Variants in HERC4 observed in about 807,000 individuals in gnomAD.
HERC4 encodes the protein probable E3 ubiquitin-protein ligase HERC4.
Under a neutral mutation model 124.3 loss-of-function variants are expected in HERC4, and 28 were observed. The ratio of observed to expected loss-of-function variants is 0.23; its 90% confidence interval spans 0.17 to 0.31. The LOEUF is 0.31. HERC4 is among the 10% of genes least tolerant of loss of function. The pLI is 1.00. For missense variants in HERC4, 713 were observed against 1,229.3 expected, an observed-to-expected ratio of 0.58 and a Z score of 6.28; for synonymous variants, 407 against 421.5, an observed-to-expected ratio of 0.97 and a Z score of 0.42.
intron 19 of HERC4, chr10:67,954,198 T>C (rs1201924241): frequency 3.3e-5 from 5 of 153,712 alleles, no homozygotes; most frequent in African/African-American, 7.2e-5. Context: ...ACTTTTTTTT[T>C]CTTTGAGATT....
intron 24 of HERC4, 90 bp downstream of exon 24, chr10:67,924,995 A>C (rs2030725496): frequency 2.8e-6 from 2 of 708,264 alleles, no homozygotes; most frequent in Non-Finnish European, 4.7e-6. Flanking sequence ...TGTTTCAAAA[A>C]AATTACTTGA....
chr10:68,042,600 G>T lies in HERC4; in HGVS notation c.386+1804C>A, dbSNP rs184863534. 8.5e-4 allele frequency among the ~76,000 whole-genome samples: 130 copies of T among 152,284 alleles called. 1 individual carries two copies. Among genetic ancestry groups the T allele is most frequent in the African/African-American group, 2.9e-3 (120 of 41,554 alleles). On this transcript the variant is annotated intron_variant, in intron 4 of 24. Transcript: ENST00000373700. ...AGCATGCCACTGCACACCAGCCTGG[G>T]TGACAGAGTGAGACTTTGTCTCAAG...
chr10:67,970,592 A>C (rs1332370146), intron 15 of HERC4, among the ~76,000 whole-genome samples: 1 of 87,610 alleles, frequency 1.1e-5, no homozygotes, highest in South Asian at 5.0e-4. Context: ...ACTCTGTCTC[A>C]AAAAAAAAAA....
intron 15 of HERC4, chr10:67,988,213 G>A (rs10997898): frequency 6.6e-6 from 1 of 152,128 alleles, no homozygotes; most frequent in East Asian, 1.9e-4. Context: ...TTTTAAATTA[G>A]TCATTTGTTT....
chr10:67,939,449 TG>T, intron 21 of HERC4, 138 bp downstream of exon 21: 1 of 578,058 alleles, frequency 1.7e-6, no homozygotes, highest in Non-Finnish European at 3.0e-6. Flanking sequence ...CTAGCTAGCA[TG>T]TAGTAAATGC....
At position 67,977,747 on chromosome 10, in the gene HERC4, C is replaced by T. The variant is rs2035682631; in HGVS notation, c.1806+10916G>A. Among the ~76,000 whole-genome samples, 5 of 152,132 alleles carry T rather than the reference C, an allele frequency of 3.3e-5. No homozygotes were observed. The South Asian group carries it at 6.2e-4, about 19-fold the overall frequency. On this transcript the variant is annotated intron_variant, in intron 15 of 24. Transcript: ENST00000373700. ...CTCTAATCCCAGCACTTTGGGAGGC[C>T]GAGGCTGGCAAATTACTTGAGGTCA...
intron 13 of HERC4, 136 bp from the exon 14 acceptor site, chr10:67,990,536 A>G: frequency 1.9e-6 from 1 of 525,308 alleles, no homozygotes. Context: ...ATGGTGAAGA[A>G]GAAAAAAGAA....
At chr10:67,977,662 G>C (rs986791977) in intron 15 of HERC4, among the ~76,000 whole-genome samples, 3 of 152,148 alleles carry the variant, frequency 2.0e-5, no homozygotes, top group African/African-American at 7.2e-5. Flanking sequence ...TCCCATGCCA[G>C]GCAGCATTCA....
Position 67,992,416 on chromosome 10 carries a change from G to A in HERC4, c.1147-93C>T, listed in dbSNP as rs931363124. The A allele has an allele frequency of 5.4e-6, 8 of 1,478,574 alleles. No individual in the cohort carries two copies. The Admixed American group carries it at 1.0e-4, about 19-fold the overall frequency. The allele number at this position is 1,478,574 out of a possible 1,614,324, so 91.6% of individuals were successfully genotyped here. On this transcript the variant is annotated intron_variant, in intron 10 of 24. Transcript: ENST00000373700. ...CCACCATATATTTGTTCTTTAAACA[G>A]AATTAAATCTCTCCTGAACACCTGA...
At chr10:68,028,538 T>C (rs2039022404) in intron 7 of HERC4, among the ~76,000 whole-genome samples, 1 of 152,210 alleles carries the variant, frequency 6.6e-6, no homozygotes, top group South Asian at 2.1e-4. Context: ...GACTCTTCTC[T>C]AAGAAGCCCT....
chr10:68,063,766 C>T (rs767959590), intron 3 of HERC4, among the ~76,000 whole-genome samples: 4 of 151,752 alleles, frequency 2.6e-5, no homozygotes, highest in African/African-American at 4.8e-5. Flanking sequence ...GGCAAAACCC[C>T]GTCTCTACTA....
intron 8 of HERC4, among the ~76,000 whole-genome samples, chr10:68,014,699 T>G (rs533155492): frequency 1.3e-5 from 2 of 152,328 alleles, no homozygotes; most frequent in Non-Finnish European, 2.9e-5. Context: ...AATCTCTATA[T>G]GTACGCACCA....
chr10:67,963,108 G>C (rs1224708465), intron 16 of HERC4, among the ~76,000 whole-genome samples: 1 of 152,216 alleles, frequency 6.6e-6, no homozygotes, highest in African/African-American at 2.4e-5. Context: ...TCTCATAAAA[G>C]TTACTCTGCT....
intron 7 of HERC4, among the ~76,000 whole-genome samples, chr10:68,032,390 G>C (rs907778358): frequency 6.6e-6 from 1 of 152,136 alleles, no homozygotes; most frequent in Non-Finnish European, 1.5e-5. Context: ...GTATTTATAA[G>C]CCAAATGGAA....
chr10:67,999,406 T>A (rs1157222392), intron 9 of HERC4, among the ~76,000 whole-genome samples: 2 of 152,122 alleles, frequency 1.3e-5, no homozygotes, highest in Non-Finnish European at 2.9e-5. Context: ...GCCTGAAGAC[T>A]CTCCTACAAG....
intron 15 of HERC4, among the ~76,000 whole-genome samples, chr10:67,982,540 G>A (rs1461261308): frequency 1.3e-5 from 2 of 152,074 alleles, no homozygotes; most frequent in Non-Finnish European, 2.9e-5. Context: ...AACATTAGGG[G>A]AAACTCTCCA....
chr10:67,951,603 C>T (rs1022120663), intron 19 of HERC4, among the ~76,000 whole-genome samples: 3 of 152,206 alleles, frequency 2.0e-5, no homozygotes, highest in African/African-American at 7.2e-5. Flanking sequence ...AGACTGTCTC[C>T]TGAGGACACC....
chr10:67,971,520 A>C (rs1166009967), intron 15 of HERC4, among the ~76,000 whole-genome samples: 2 of 152,148 alleles, frequency 1.3e-5, no homozygotes, highest in African/African-American at 4.8e-5. Flanking sequence ...TTTCTAAAAA[A>C]AGGAGAAAAA....
At chr10:67,943,289 C>T (rs1486188070) in intron 19 of HERC4, among the ~76,000 whole-genome samples, 1 of 151,940 alleles carries the variant, frequency 6.6e-6, no homozygotes, top group African/African-American at 2.4e-5. Context: ...CTCCTAAAAC[C>T]CTCTAAAAGA....
Sources: gnomAD v4.1 joint callset for allele counts (sites outside exome capture counted in the v4.1 genomes callset) on GRCh38, gnomAD v4.1.1 for gene constraint, MANE v1.5 for transcripts, NCBI Gene and HGNC (gene_info 2026-07-23, HGNC 2026-07-21) for gene names.